STRN3: variants seen among roughly 807,000 people sequenced by gnomAD.
STRN3 encodes the protein striatin-3.
A neutral mutation model predicts 95.6 loss-of-function variants in STRN3; 29 were observed. That is an observed-to-expected ratio of 0.30 (90% CI 0.23 to 0.41). The LOEUF (loss-of-function observed/expected upper bound fraction) is 0.41, where lower values mean the gene tolerates loss of function less well. Ranked by LOEUF, STRN3 falls within the 10% of genes least tolerant of loss-of-function variation. The probability of loss-of-function intolerance (pLI) is 1.00; values close to 1 mark genes in which losing one functional copy is unlikely to be tolerated. For missense variants in STRN3, 890 were observed against 972.1 expected, an observed-to-expected ratio of 0.92 and a Z score of 1.12; for synonymous variants, 331 against 357.6, an observed-to-expected ratio of 0.93 and a Z score of 0.84.
intron 16 of STRN3, among the ~76,000 whole-genome samples, chr14:30,901,278 A>T (rs1187960237): frequency 1.1e-4 from 3 of 26,586 alleles, no homozygotes; most frequent in East Asian, 2.0e-3. Flanking sequence ...CTGTCTCTAT[A>T]AAAAAAAAAA....
At chr14:31,025,735 G>T (rs1246841522) in intron 1 of STRN3, 169 bp downstream of exon 1, 4 of 899,492 alleles carry the variant, frequency 4.4e-6, no homozygotes, top group Non-Finnish European at 4.9e-6. Flanking sequence ...GAAAGAGGGA[G>T]GGGGACTCCA....
Position 30,922,075 on chromosome 14 carries a change from G to A in STRN3, c.1100-2969C>T, listed in dbSNP as rs571567914. ...CTAATTTAAAAAAAAATTTTGTAGA[G>A]ACAGGGTCTCACCATGTTGTCCAGG... On this transcript the variant is annotated intron_variant, in intron 8 of 17. Coordinates refer to ENST00000357479, the MANE Select transcript of STRN3 (RefSeq NM_001083893.2). 4.2e-4 allele frequency among the ~76,000 whole-genome samples: 64 copies of A among 151,846 alleles called. 1 individual carries two copies. Among genetic ancestry groups the A allele is most frequent in the Admixed American group, 3.7e-3 (57 of 15,256 alleles).
intron 1 of STRN3, among the ~76,000 whole-genome samples, chr14:31,011,581 TGCTGTGA>T (rs1244030041): frequency 2.0e-5 from 3 of 152,146 alleles, no homozygotes; most frequent in Admixed American, 6.5e-5. Context: ...ATGTGAAGGT[TGCTGTGA>T]GCTGAGATCA....
chr14:30,963,678 G>A (rs1031141973), intron 1 of STRN3, among the ~76,000 whole-genome samples: 1 of 152,210 alleles, frequency 6.6e-6, no homozygotes, highest in African/African-American at 2.4e-5. Context: ...CCAAAGTGCT[G>A]GGATTACAGG....
intron 7 of STRN3, chr14:30,932,500 A>G (rs1230437424): frequency 6.6e-6 from 1 of 152,148 alleles, no homozygotes; most frequent in Non-Finnish European, 1.5e-5. Context: ...ACGATCTTGT[A>G]CTTAAATGAG....
intron 16 of STRN3, among the ~76,000 whole-genome samples, chr14:30,898,841 T>G (rs538597976): frequency 6.6e-6 from 1 of 152,324 alleles, no homozygotes; most frequent in East Asian, 1.9e-4. Context: ...CTTAAGCCCT[T>G]TTACTGGCTA....
chr14:31,006,764 A>G (rs577922847), intron 1 of STRN3, among the ~76,000 whole-genome samples: 102 of 152,274 alleles, frequency 6.7e-4, no homozygotes, highest in African/African-American at 2.2e-3. Flanking sequence ...TCAGAACAGC[A>G]TCAAACCTTT....
intron 1 of STRN3, among the ~76,000 whole-genome samples, chr14:30,995,891 G>A (rs984800643): frequency 3.3e-4 from 50 of 152,178 alleles, no homozygotes; most frequent in Admixed American, 1.4e-3. Flanking sequence ...AACAGCCCTC[G>A]GCTGTCAATC....
rs543516596 is a variant in STRN3, at chr14:31,021,338, A to G, written c.282+4566T>C. ...CAGTTCTACTGCCTCCTAGTTGCAT[A>G]GATTACTTAACCTTTGGGCCTCGAT... On this transcript the variant is annotated intron_variant, in intron 1 of 17. Coordinates refer to ENST00000357479, the MANE Select transcript of STRN3 (RefSeq NM_001083893.2). Among the ~76,000 whole-genome samples the G allele has an allele frequency of 2.0e-5, 3 of 152,326 alleles. No homozygotes were observed. The South Asian group carries it at 6.2e-4, about 32-fold the overall frequency.
At chr14:30,999,905 A>C (rs1882368101) in intron 1 of STRN3, among the ~76,000 whole-genome samples, 1 of 152,244 alleles carries the variant, frequency 6.6e-6, no homozygotes, top group African/African-American at 2.4e-5. Flanking sequence ...TCTTGAAAAC[A>C]TCAAAGAGAA....
chr14:30,965,208 A>G (rs904825237), intron 1 of STRN3, among the ~76,000 whole-genome samples: 1 of 152,194 alleles, frequency 6.6e-6, no homozygotes, highest in African/African-American at 2.4e-5. Flanking sequence ...ACCTAATACA[A>G]TTGACTATGT....
At chr14:30,966,978 C>G (rs950061692) in intron 1 of STRN3, among the ~76,000 whole-genome samples, 1 of 151,912 alleles carries the variant, frequency 6.6e-6, no homozygotes, top group African/African-American at 2.4e-5. Context: ...GGACAAGACA[C>G]CCCCTGGTTT....
chr14:30,997,730 C>G (rs1882269416), intron 1 of STRN3, among the ~76,000 whole-genome samples: 1 of 152,158 alleles, frequency 6.6e-6, no homozygotes, highest in Non-Finnish European at 1.5e-5. Flanking sequence ...ATCCCTTGAA[C>G]CCTCTAAGCT....
At chr14:30,943,544 G>A (rs1046793635) in intron 5 of STRN3, among the ~76,000 whole-genome samples, 2 of 152,162 alleles carry the variant, frequency 1.3e-5, no homozygotes, top group African/African-American at 4.8e-5. Context: ...TGGCTACAGT[G>A]AGCTGTGATT....
intron 1 of STRN3, among the ~76,000 whole-genome samples, chr14:30,968,036 C>T (rs565912555): frequency 3.9e-5 from 6 of 152,110 alleles, no homozygotes; most frequent in Admixed American, 3.9e-4. Context: ...TTGCACTCAG[C>T]CAAGCCTTAA....
chr14:30,914,006 T>C (rs1896673179), intron 9 of STRN3, among the ~76,000 whole-genome samples: 1 of 152,138 alleles, frequency 6.6e-6, no homozygotes, highest in Admixed American at 6.5e-5. Context: ...AATAATGGAG[T>C]TAAATATCAG....
chr14:30,897,385 G>C (rs1896186546), intron 16 of STRN3, among the ~76,000 whole-genome samples: 1 of 152,170 alleles, frequency 6.6e-6, no homozygotes, highest in Non-Finnish European at 1.5e-5. Flanking sequence ...AGGAGTTCAA[G>C]ACCAGCCTGG....
rs993391435 is a variant in STRN3, at chr14:30,893,949, T to C, written c.*1462A>G. 1 of 152,642 alleles carries C rather than the reference T, an allele frequency of 6.6e-6. No individual in the cohort carries two copies. The highest frequency in any genetic ancestry group is 1.5e-5 in the Non-Finnish European group (1 of 68,020). The allele number at this position is 152,642 out of a possible 1,614,324, so 9.5% of individuals were successfully genotyped here. A position where few individuals can be genotyped will look rare whatever the true frequency, so the allele number is the denominator to read the frequency against. On this transcript the variant is annotated 3_prime_UTR_variant, in exon 18 of 18. Transcript: ENST00000357479. The stretch of plus-strand genomic sequence containing the variant: ...ACATTATTTTTCAACAGCTGTATGT[T>C]TGCTATGTGGTACAATCTTAAAAAT...
intron 1 of STRN3, among the ~76,000 whole-genome samples, chr14:30,984,266 T>TA (rs755650146): frequency 0.098 from 8,470 of 86,682 alleles, 726 homozygotes; most frequent in East Asian, 0.26. Context: ...TGAGGAATTC[T>TA]AAAAAAAAAA....
Sources: allele counts gnomAD v4.1 joint callset (sites outside exome capture counted in the v4.1 genomes callset), GRCh38; gene constraint gnomAD v4.1.1; transcripts MANE v1.5; gene names NCBI Gene and HGNC (gene_info 2026-07-23, HGNC 2026-07-21).